RNF182: variants seen among roughly 807,000 people sequenced by gnomAD.
The protein encoded by RNF182 is E3 ubiquitin-protein ligase RNF182.
In RNF182, 15 loss-of-function variants were observed where a neutral mutation model predicts 14.4. The observed-to-expected ratio is 1.04, with a 90% confidence interval of 0.70 to 1.60. The LOEUF (loss-of-function observed/expected upper bound fraction) is 1.60, where lower values mean the gene tolerates loss of function less well. RNF182 is among the 40% of genes most tolerant of loss of function. RNF182 has a pLI of 0.00. For synonymous variants in RNF182, 128 were observed against 122.9 expected (o/e 1.04, Z -0.27); for missense variants, 268 against 294.8 (o/e 0.91, Z 0.67).
At chr6:13,937,737 CCAAA>C (rs1230968888) in intron 1 of RNF182, among the ~76,000 whole-genome samples, 1 of 152,032 alleles carries the variant, frequency 6.6e-6, no homozygotes, top group African/African-American at 2.4e-5. Flanking sequence ...CAAACATTTG[CCAAA>C]CAGTTGTCCA....
At chr6:13,960,613 G>A (rs1189519413) in intron 1 of RNF182, among the ~76,000 whole-genome samples, 1 of 151,800 alleles carries the variant, frequency 6.6e-6, no homozygotes, top group Non-Finnish European at 1.5e-5. Flanking sequence ...TTCAGCCATG[G>A]CTTTGGGAGT....
intron 1 of RNF182, among the ~76,000 whole-genome samples, chr6:13,936,909 G>A (rs1325932850): frequency 1.3e-5 from 2 of 152,242 alleles, no homozygotes; most frequent in Admixed American, 1.3e-4. Context: ...GCTTCTTTTG[G>A]AGAGTAAAAA....
At chr6:13,954,561 A>T (rs965762109) in intron 1 of RNF182, among the ~76,000 whole-genome samples, 13 of 152,140 alleles carry the variant, frequency 8.5e-5, no homozygotes, top group African/African-American at 2.7e-4. Flanking sequence ...AATTTAAATT[A>T]AATTAAATTT....
intron 1 of RNF182, among the ~76,000 whole-genome samples, chr6:13,930,666 T>C (rs1049940068): frequency 4.6e-5 from 7 of 152,226 alleles, no homozygotes; most frequent in Admixed American, 1.3e-4. Context: ...GAGACAGGTG[T>C]TCATAAAAGC....
intron 1 of RNF182, among the ~76,000 whole-genome samples, chr6:13,934,489 C>G (rs141998006): frequency 1.3e-5 from 2 of 152,162 alleles, no homozygotes; most frequent in Non-Finnish European, 2.9e-5. Flanking sequence ...TATTCTATAC[C>G]TTCGCCTATT....
intron 1 of RNF182, among the ~76,000 whole-genome samples, chr6:13,935,545 A>G (rs563103176): frequency 2.2e-4 from 34 of 152,232 alleles, no homozygotes; most frequent in Non-Finnish European, 4.1e-4. Context: ...TGATTCTGAC[A>G]GTGGAATGAC....
At chr6:13,965,880 A>G (rs1443170973) in intron 1 of RNF182, among the ~76,000 whole-genome samples, 1 of 152,228 alleles carries the variant, frequency 6.6e-6, no homozygotes, top group East Asian at 1.9e-4. Flanking sequence ...GTAACAATGT[A>G]TAAGAAAACA....
intron 1 of RNF182, among the ~76,000 whole-genome samples, chr6:13,955,992 A>T (rs570672607): frequency 3.9e-5 from 6 of 152,166 alleles, no homozygotes; most frequent in Non-Finnish European, 8.8e-5. Context: ...TAACATTTCC[A>T]TGGGCTAAAA....
chr6:13,950,633 A>T (rs1759564317), intron 1 of RNF182, among the ~76,000 whole-genome samples: 1 of 151,446 alleles, frequency 6.6e-6, no homozygotes, highest in East Asian at 2.0e-4. Context: ...AGTACCTGGG[A>T]TTACAGGCAC....
chr6:13,978,702 A>G lies in RNF182; in HGVS notation c.*839A>G, dbSNP rs936468208. ...TGGTTTTTTTAAACCACATTGCCCAATCAGCCTCACCCCTTGTCCTGAAAA... is the reference window on the plus strand; with the variant it reads ...TGGTTTTTTTAAACCACATTGCCCAGTCAGCCTCACCCCTTGTCCTGAAAA... On this transcript the variant is annotated 3_prime_UTR_variant, in exon 3 of 3. Coordinates refer to ENST00000488300, the MANE Select transcript of RNF182 (RefSeq NM_152737.4). 93 of 166,998 alleles carry G rather than the reference A, an allele frequency of 5.6e-4. No homozygotes were observed. The Admixed American group carries it at 5.8e-3, about 10-fold the overall frequency. 10.3% of individuals were successfully genotyped at this position (166,998 alleles called of 1,614,324 possible).
At chr6:13,925,202 C>G (rs1476787184) in intron 1 of RNF182, 179 bp downstream of exon 1, 2 of 151,466 alleles carry the variant, frequency 1.3e-5, no homozygotes, top group African/African-American at 4.8e-5. Context: ...AGTCTCCCTC[C>G]GGGCACCACG....
At chr6:13,954,330 C>A (rs1001493367) in intron 1 of RNF182, among the ~76,000 whole-genome samples, 2 of 152,148 alleles carry the variant, frequency 1.3e-5, no homozygotes, top group Non-Finnish European at 2.9e-5. Context: ...TCAAATTTCC[C>A]TTATTGTCTT....
At chr6:13,933,371 C>A (rs1759023937) in intron 1 of RNF182, among the ~76,000 whole-genome samples, 2 of 152,006 alleles carry the variant, frequency 1.3e-5, no homozygotes, top group Non-Finnish European at 2.9e-5. Context: ...CAAAAATTAG[C>A]TGGGCATGGT....
At chr6:13,925,146 G>T (rs1388260275) in intron 1 of RNF182, 123 bp downstream of exon 1, 2 of 111,262 alleles carry the variant, frequency 1.8e-5, no homozygotes, top group Non-Finnish European at 3.7e-5. Flanking sequence ...GCCGAGGAGA[G>T]GGGGCGGCAA....
chr6:13,957,016 CCA>C (rs1390810262), intron 1 of RNF182, among the ~76,000 whole-genome samples: 2 of 152,034 alleles, frequency 1.3e-5, no homozygotes, highest in Admixed American at 1.3e-4. Context: ...GAATGAAATG[CCA>C]CACAGTTTCC....
At chr6:13,963,975 A>T (rs918853834) in intron 1 of RNF182, among the ~76,000 whole-genome samples, 2 of 152,104 alleles carry the variant, frequency 1.3e-5, no homozygotes, top group Admixed American at 6.6e-5. Flanking sequence ...TTGAAATTGA[A>T]GGGTAATATC....
chr6:13,957,613 G>T (rs1759762187), intron 1 of RNF182, among the ~76,000 whole-genome samples: 1 of 152,044 alleles, frequency 6.6e-6, no homozygotes, highest in Non-Finnish European at 1.5e-5. Flanking sequence ...GAGAAGAGAT[G>T]GTGTATTCTT....
At chr6:13,950,010 T>C (rs1435915566) in intron 1 of RNF182, among the ~76,000 whole-genome samples, 1 of 152,248 alleles carries the variant, frequency 6.6e-6, no homozygotes, top group African/African-American at 2.4e-5. Flanking sequence ...TTTAGCTTTA[T>C]TCTATCTAAC....
intron 1 of RNF182, among the ~76,000 whole-genome samples, chr6:13,960,797 C>T (rs1430333395): frequency 6.6e-6 from 1 of 152,024 alleles, no homozygotes; most frequent in Non-Finnish European, 1.5e-5. Flanking sequence ...TACATATAAC[C>T]TATGCTAATT....
Sources: gnomAD v4.1 joint callset for allele counts (sites outside exome capture counted in the v4.1 genomes callset) on GRCh38, gnomAD v4.1.1 for gene constraint, MANE v1.5 for transcripts, NCBI Gene and HGNC (gene_info 2026-07-23, HGNC 2026-07-21) for gene names.